The following UNC13C variants were observed in gnomAD, a reference collection of about 807,000 sequenced individuals.
UNC13C encodes protein unc-13 homolog C.
Under a neutral mutation model 245.4 loss-of-function variants are expected in UNC13C, and 174 were observed. That is an observed-to-expected ratio of 0.71 (90% CI 0.63 to 0.80). The LOEUF is 0.80. Among genes scored for constraint, UNC13C ranks in the 30% least tolerant of loss-of-function variants. The pLI is 0.00. For missense variants in UNC13C, 2,829 were observed against 2,602.9 expected (o/e 1.09, Z -1.89); for synonymous variants, 992 against 895.1 (o/e 1.11, Z -1.93).
rs561697773 is a variant in UNC13C at position 54,018,472 on chromosome 15, G to A, written c.2983+2586G>A. ...GAAAACTCCAATGTTTATAGATGTG[G>A]ATATTTGATGATAATGTTTCAGAGA... On this transcript the variant is annotated intron_variant, in intron 2 of 32. Transcript: ENST00000260323. Among the ~76,000 whole-genome samples the A allele has an allele frequency of 4.6e-5, 7 of 152,360 alleles. No individual in the cohort carries two copies. The East Asian group carries it at 1.3e-3, about 29-fold the overall frequency.
At chr15:54,346,086 C>T (rs940704255) in intron 17 of UNC13C, among the ~76,000 whole-genome samples, 2 of 152,140 alleles carry the variant, frequency 1.3e-5, no homozygotes, top group African/African-American at 2.4e-5. Flanking sequence ...GCACTTATCA[C>T]GGTGAATTTA....
chr15:54,331,367 C>T (rs1219024618), intron 14 of UNC13C, among the ~76,000 whole-genome samples: 1 of 152,044 alleles, frequency 6.6e-6, no homozygotes, highest in Non-Finnish European at 1.5e-5. Flanking sequence ...GCTCTTTATT[C>T]TCACCATCTT....
chr15:53,968,483 C>T, the UNC13C span, among the ~76,000 whole-genome samples: 1 of 151,870 alleles, frequency 6.6e-6, no homozygotes, highest in Non-Finnish European at 1.5e-5. Context: ...GCAGATATAC[C>T]CAGTATATTG....
intron 30 of UNC13C, among the ~76,000 whole-genome samples, chr15:54,586,800 A>G (rs937866702): frequency 1.3e-5 from 2 of 152,238 alleles, no homozygotes; most frequent in East Asian, 1.9e-4. Flanking sequence ...TGGCTTAAGG[A>G]TAAGAAGAAA....
intron 19 of UNC13C, among the ~76,000 whole-genome samples, chr15:54,465,885 A>G (rs535586125): frequency 6.6e-6 from 1 of 152,162 alleles, no homozygotes; most frequent in East Asian, 1.9e-4. Context: ...AATTATTCCT[A>G]GAAAAGTGCT....
At chr15:54,114,058 C>G (rs1329709059) in intron 2 of UNC13C, among the ~76,000 whole-genome samples, 2 of 152,148 alleles carry the variant, frequency 1.3e-5, no homozygotes, top group Non-Finnish European at 2.9e-5. Flanking sequence ...CCAGTGTGCA[C>G]TCACACTATG....
chr15:54,322,439 C>T (rs929301840), intron 14 of UNC13C, among the ~76,000 whole-genome samples: 1 of 151,914 alleles, frequency 6.6e-6, no homozygotes, highest in Non-Finnish European at 1.5e-5. Context: ...AGATATAGTT[C>T]CCTAGTAAGT....
At chr15:54,348,704 T>C (rs72732780) in intron 17 of UNC13C, among the ~76,000 whole-genome samples, 4,664 of 152,278 alleles carry the variant, frequency 0.031, 97 homozygotes, top group Middle Eastern at 0.051. Context: ...ACCCAAAAAG[T>C]TGATTTAGCA....
At chr15:54,118,097 TC>T (rs994751250) in intron 2 of UNC13C, among the ~76,000 whole-genome samples, 4 of 152,044 alleles carry the variant, frequency 2.6e-5, no homozygotes, top group African/African-American at 9.7e-5. Flanking sequence ...TTCAGCTTTT[TC>T]TTTATTTTCA....
the UNC13C span, chr15:53,948,468 G>A: frequency 0.11 from 16,426 of 152,002 alleles, 1,221 homozygotes; most frequent in East Asian, 0.32. Context: ...TACAAAATTA[G>A]CTGGGTGTGG....
At chr15:54,580,224 A>C (rs1416404819) in intron 30 of UNC13C, among the ~76,000 whole-genome samples, 1 of 152,222 alleles carries the variant, frequency 6.6e-6, no homozygotes, top group East Asian at 1.9e-4. Flanking sequence ...CACAACCTGC[A>C]CGTGTCCTTC....
In UNC13C at chr15:54,218,399, A is replaced by G. The variant is rs576394562; in HGVS notation, c.3072-16631A>G. Among the ~76,000 whole-genome samples the G allele has an allele frequency of 6.4e-4, 97 of 152,050 alleles. 2 individuals are homozygous for G. In the South Asian group the frequency reaches 0.019, roughly 31 times the overall value. On this transcript the variant is annotated intron_variant, in intron 4 of 32. Transcript: ENST00000260323. ...ATACTTATGGATCAGTGAGTGTGAT[A>G]TTACTGTCTTACTTGAATGGTAAGT... is the stretch of plus-strand genomic sequence containing the variant.
At chr15:53,858,940 C>T in the UNC13C span, among the ~76,000 whole-genome samples, 68,717 of 151,302 alleles carry the variant, frequency 0.45, 15,934 homozygotes, top group Middle Eastern at 0.58. Flanking sequence ...ATATATTTTA[C>T]TTGATATTAA....
chr15:54,573,044 C>G (rs984301941), intron 30 of UNC13C, among the ~76,000 whole-genome samples: 1 of 151,906 alleles, frequency 6.6e-6, no homozygotes, highest in African/African-American at 2.4e-5. Context: ...ATTTTTTTCA[C>G]TATTTTCAGG....
chr15:54,068,397 C>T (rs1019614326), intron 2 of UNC13C, among the ~76,000 whole-genome samples: 26 of 152,170 alleles, frequency 1.7e-4, no homozygotes, highest in African/African-American at 6.3e-4. Context: ...CACTCCACCA[C>T]ACTGGGTCTG....
the UNC13C span, among the ~76,000 whole-genome samples, chr15:53,838,724 T>G: frequency 7.9e-5 from 12 of 152,014 alleles, no homozygotes; most frequent in African/African-American, 2.9e-4. Flanking sequence ...TGTTCTCTAA[T>G]TTTTTTATCC....
intron 10 of UNC13C, among the ~76,000 whole-genome samples, chr15:54,292,116 C>G (rs1339674493): frequency 6.6e-6 from 1 of 151,914 alleles, no homozygotes; most frequent in African/African-American, 2.4e-5. Context: ...GGAAAGGAAG[C>G]CTTGGTGAAG....
intron 2 of UNC13C, among the ~76,000 whole-genome samples, chr15:54,090,424 C>G (rs988979111): frequency 6.6e-5 from 10 of 152,130 alleles, no homozygotes; most frequent in Non-Finnish European, 1.5e-4. Context: ...AATCATGCTA[C>G]TAAATACTTA....
chr15:53,896,352 A>G, the UNC13C span, among the ~76,000 whole-genome samples: 1 of 152,152 alleles, frequency 6.6e-6, no homozygotes, highest in South Asian at 2.1e-4. Context: ...TTGTAGTGTT[A>G]GCACTTCCTC....
Sources: gnomAD v4.1 joint callset for allele counts (sites outside exome capture counted in the v4.1 genomes callset) on GRCh38, gnomAD v4.1.1 for gene constraint, MANE v1.5 for transcripts, NCBI Gene and HGNC (gene_info 2026-07-23, HGNC 2026-07-21) for gene names.